Variants in TMCC3 observed in about 807,000 individuals in gnomAD.
TMCC3 encodes transmembrane and coiled-coil domain family 3, also known as transmembrane and coiled-coil domain protein 3.
In TMCC3, 28 loss-of-function variants were observed where a neutral mutation model predicts 40.2. The observed-to-expected ratio is 0.70, with a 90% CI of 0.52 to 0.95. TMCC3 has a LOEUF of 0.95. TMCC3 is among the 40% of genes least tolerant of loss of function. The pLI, the probability that TMCC3 is intolerant of heterozygous loss-of-function variation, is 0.00. For synonymous variants in TMCC3, 255 were observed against 248.5 expected, an observed-to-expected ratio of 1.03 and a Z score of -0.25; for missense variants, 554 against 615.2, an observed-to-expected ratio of 0.90 and a Z score of 1.05.
chr12:94,629,456 G>A (rs1032085573), intron 1 of TMCC3, among the ~76,000 whole-genome samples: 1 of 152,208 alleles, frequency 6.6e-6, no homozygotes, highest in African/African-American at 2.4e-5. Context: ...TCCCCAGCCT[G>A]AGCTCCTTGA....
At chr12:94,612,861 T>C (rs886696728) in intron 1 of TMCC3, among the ~76,000 whole-genome samples, 6 of 152,206 alleles carry the variant, frequency 3.9e-5, no homozygotes, top group Non-Finnish European at 8.8e-5. Context: ...AAAAACTGTT[T>C]GGCATTTGAG....
At position 94,590,738 on chromosome 12, in the gene TMCC3, C is replaced by T. The variant is rs139101411; in HGVS notation, c.79-8200G>A. ...CAGGAGCTTTTCTATCAGAAACAAGCGGGGTTGTGTCCTCACGCTTCCGGA... is the reference window on the plus strand; with the variant it reads ...CAGGAGCTTTTCTATCAGAAACAAGTGGGGTTGTGTCCTCACGCTTCCGGA... On this transcript the variant is annotated intron_variant, in intron 1 of 3. Transcript: ENST00000261226. The T allele has an allele frequency of 7.6e-3, 2,751 of 363,950 alleles. 14 individuals are homozygous for T. Among genetic ancestry groups the T allele is most frequent in the Middle Eastern group, 0.01 (10 of 958 alleles). 22.5% of individuals were successfully genotyped at this position (363,950 alleles called of 1,614,324 possible). A position where few individuals can be genotyped will look rare whatever the true frequency, so the allele number is the denominator to read the frequency against.
chr12:94,579,815 G>C (rs1443011959), intron 2 of TMCC3, among the ~76,000 whole-genome samples: 1 of 152,196 alleles, frequency 6.6e-6, no homozygotes, highest in South Asian at 2.1e-4. Flanking sequence ...GGTCACAAAC[G>C]TAACCACAGG....
rs2068602638 is a variant in TMCC3, at chr12:94,581,712, G to A, written c.905C>T (p.Ala302Val). The A allele has an allele frequency of 6.2e-7, 1 of 1,614,202 alleles. No individual in the cohort carries two copies. Among genetic ancestry groups the A allele is most frequent in the East Asian group, 2.2e-5 (1 of 44,888 alleles). ...TGCCTCGATGTCCTCAGCCAGCTGA[G>A]CTTGGGTATCCTTGATCTCCCTCAG... is the stretch of plus-strand genomic sequence containing the variant. Reference protein sequence around the residue: ...EELREIKDTQAQLAEDIEALK... With the variant: ...EELREIKDTQVQLAEDIEALK... The change falls in exon 2 of 4, where the codon GCT becomes GTT. Residue 302 changes from alanine to valine, a missense_variant. By Grantham distance (64) the Ala-to-Val change is moderately conservative. Transcript: ENST00000261226.
intron 3 of TMCC3, among the ~76,000 whole-genome samples, chr12:94,573,856 T>A (rs2068547661): frequency 6.6e-6 from 1 of 152,208 alleles, no homozygotes; most frequent in Admixed American, 6.5e-5. Context: ...CTCCCACTCA[T>A]TTTTTAGGTC....
intron 1 of TMCC3, among the ~76,000 whole-genome samples, chr12:94,650,075 C>A (rs929218270): frequency 4.6e-5 from 7 of 152,206 alleles, no homozygotes; most frequent in Admixed American, 3.9e-4. Context: ...GACAGCAGAG[C>A]GCGGGCCGTC....
chr12:94,588,306 CA>C (rs1019658414), intron 1 of TMCC3, among the ~76,000 whole-genome samples: 2 of 152,282 alleles, frequency 1.3e-5, no homozygotes, highest in Admixed American at 1.3e-4. Context: ...CACCCCCCAG[CA>C]AACAGAACCA....
chr12:94,628,770 T>C (rs2068916816), intron 1 of TMCC3, among the ~76,000 whole-genome samples: 1 of 152,140 alleles, frequency 6.6e-6, no homozygotes, highest in Non-Finnish European at 1.5e-5. Flanking sequence ...TGACAAATAA[T>C]GGGAAAGCCA....
Position 94,571,576 on chromosome 12 carries a change from G to C in TMCC3, c.1293C>G (p.Thr431=). Residue 431 remains threonine (T), a synonymous_variant, in exon 4 of 4, where the codon ACC becomes ACG. Transcript: ENST00000261226. ...TCATGGGTGAGACGAACTTCGCGAT[G>C]GTGGACACACACACTAAGATGACAG... The part of the protein sequence containing the change: ...FMTVILVCVS[T]IAKFVSPMMK... 1 of 1,614,168 alleles carries C rather than the reference G, an allele frequency of 6.2e-7. No individual in the cohort carries two copies. The highest frequency in any genetic ancestry group is 8.5e-7 in the Non-Finnish European group (1 of 1,180,032).
chr12:94,601,808 C>CAAAAAAAAA (rs61372290), intron 1 of TMCC3, among the ~76,000 whole-genome samples: 6 of 76,726 alleles, frequency 7.8e-5, no homozygotes, highest in South Asian at 5.0e-4. Context: ...GACCTGGTCT[C>CAAAAAAAAA]AAAAAAAAAA....
intron 1 of TMCC3, among the ~76,000 whole-genome samples, chr12:94,634,438 A>G (rs192923468): frequency 7.2e-5 from 11 of 152,280 alleles, no homozygotes; most frequent in Admixed American, 4.6e-4. Flanking sequence ...AGTCTGTTGG[A>G]ATGGTAGGCT....
intron 1 of TMCC3, among the ~76,000 whole-genome samples, chr12:94,635,668 T>G (rs1418844131): frequency 7.0e-6 from 1 of 142,366 alleles, no homozygotes; most frequent in East Asian, 2.0e-4. Context: ...GGGTTTTTTT[T>G]TTTTTTTTTT....
rs371418137 is a variant in TMCC3 at position 94,580,955 on chromosome 12, T to G, written c.995+667A>C. ...GTGAGTTGTTGCCTGTATCCAATAA[T>G]TTAAGGACCCACACATAAATCCTTC... On this transcript the variant is annotated intron_variant, in intron 2 of 3. Transcript: ENST00000261226. Among the ~76,000 whole-genome samples, 4 of 152,184 alleles carry G rather than the reference T, an allele frequency of 2.6e-5. No individual in the cohort carries two copies. The South Asian group carries it at 8.3e-4, about 32-fold the overall frequency.
intron 1 of TMCC3, among the ~76,000 whole-genome samples, chr12:94,612,893 C>A (rs1417688618): frequency 6.6e-6 from 1 of 152,034 alleles, no homozygotes; most frequent in Non-Finnish European, 1.5e-5. Flanking sequence ...CCTAGAGACC[C>A]AGAAATTCCA....
At chr12:94,636,658 T>G (rs1230685021) in intron 1 of TMCC3, among the ~76,000 whole-genome samples, 1 of 152,216 alleles carries the variant, frequency 6.6e-6, no homozygotes, top group African/African-American at 2.4e-5. Flanking sequence ...ACTAATCAGG[T>G]GAACTCCTTA....
intron 1 of TMCC3, among the ~76,000 whole-genome samples, chr12:94,633,543 CCAAA>C (rs1402259200): frequency 2.0e-5 from 3 of 152,170 alleles, no homozygotes; most frequent in Non-Finnish European, 4.4e-5. Flanking sequence ...TCTCCAGGCA[CCAAA>C]CATTTGCCCC....
intron 1 of TMCC3, among the ~76,000 whole-genome samples, chr12:94,646,826 T>A (rs2069022402): frequency 6.6e-6 from 1 of 151,090 alleles, no homozygotes; most frequent in African/African-American, 2.4e-5. Context: ...CTTTTACAGA[T>A]GGGAAACTGG....
chr12:94,638,723 C>A (rs1337463808), intron 1 of TMCC3, among the ~76,000 whole-genome samples: 1 of 152,172 alleles, frequency 6.6e-6, no homozygotes, highest in East Asian at 1.9e-4. Flanking sequence ...AAAATAGTAC[C>A]CTGCTGACTA....
At chr12:94,639,149 A>G (rs2138883090) in intron 1 of TMCC3, among the ~76,000 whole-genome samples, 1 of 152,322 alleles carries the variant, frequency 6.6e-6, no homozygotes, top group Admixed American at 6.5e-5. Flanking sequence ...TCAGAAGACT[A>G]AAGAGGAAAT....
Sources: gnomAD v4.1 joint callset for allele counts (sites outside exome capture counted in the v4.1 genomes callset) on GRCh38, gnomAD v4.1.1 for gene constraint, MANE v1.5 for transcripts, NCBI Gene and HGNC (gene_info 2026-07-23, HGNC 2026-07-21) for gene names.